The following CERS2 variants were observed in gnomAD, a reference collection of about 807,000 sequenced individuals.
CERS2 encodes the protein LAG1 homolog, ceramide synthase 2.
A neutral mutation model predicts 56.6 loss-of-function variants in CERS2; 20 were observed. The observed-to-expected ratio is 0.35, with a 90% CI of 0.25 to 0.51. CERS2 has a LOEUF of 0.51. CERS2 is among the 20% of genes least tolerant of loss of function. The pLI, the probability that CERS2 is intolerant of heterozygous loss-of-function variation, is 0.96. For missense variants in CERS2, 361 were observed against 488.6 expected (o/e 0.74, Z 2.46); for synonymous variants, 187 against 175.4 (o/e 1.07, Z -0.52).
At chr1:150,967,336 T>G (rs115425823) in intron 7 of CERS2, 56 bp downstream of exon 7, 187 of 1,431,166 alleles carry the variant, frequency 1.3e-4, no homozygotes, top group Non-Finnish European at 1.8e-4. Context: ...GAGAGGGTGT[T>G]CATCCCAGGG....
chr1:150,972,746 G>C (rs1241664435), intron 1 of CERS2, among the ~76,000 whole-genome samples: 4 of 152,146 alleles, frequency 2.6e-5, no homozygotes, highest in Admixed American at 1.3e-4. Flanking sequence ...GCTGGAGAGG[G>C]GCCAGAAGAG....
intron 8 of CERS2, 82 bp downstream of exon 8, chr1:150,966,991 TC>T: frequency 4.5e-6 from 7 of 1,551,298 alleles, no homozygotes; most frequent in Non-Finnish European, 6.2e-6. Flanking sequence ...TCCTCCAAAT[TC>T]CCACCCCGCA....
Position 150,966,049 on chromosome 1 carries a change from T to C in CERS2, c.*99A>G, listed in dbSNP as rs1037037563. 8 of 1,255,178 alleles carry C rather than the reference T, an allele frequency of 6.4e-6. No individual in the cohort carries two copies. The East Asian group carries it at 1.3e-4, about 20-fold the overall frequency. The allele number at this position is 1,255,178 out of a possible 1,614,324, so 77.8% of individuals were successfully genotyped here. Reference sequence around the variant, plus strand: ...GATGCAGAGAACTCTCCTCTCACTTTCTCCTTTTTCCCCAGAGCTTAAAGT... The same window carrying C: ...GATGCAGAGAACTCTCCTCTCACTTCCTCCTTTTTCCCCAGAGCTTAAAGT... On this transcript the variant is annotated 3_prime_UTR_variant, in exon 11 of 11. Transcript: ENST00000368954.
chr1:150,966,982 C>T (rs1159983812), intron 8 of CERS2, 92 bp downstream of exon 8: 1 of 1,518,396 alleles, frequency 6.6e-7, no homozygotes, highest in Non-Finnish European at 9.1e-7. Flanking sequence ...GGAATGTCAT[C>T]CTCCAAATTC....
intron 1 of CERS2, among the ~76,000 whole-genome samples, chr1:150,973,413 G>C (rs955104547): frequency 1.3e-5 from 2 of 152,258 alleles, no homozygotes. Flanking sequence ...TGAGGGATCA[G>C]CCAGCCTATG....
Position 150,966,867 on chromosome 1 carries a change from A to G in CERS2, c.742-5T>C, listed in dbSNP as rs2102766933. On this transcript the variant is annotated splice_region_variant and splice_polypyrimidine_tract_variant and intron_variant, in intron 8 of 10. Coordinates refer to ENST00000368954, the MANE Select transcript of CERS2 (RefSeq NM_022075.5). ...GTAGTTAAACATCTTGGCTGACTGCATAGAGAGCCCCCATCCATCATCATG... is the reference window on the plus strand; with the variant it reads ...GTAGTTAAACATCTTGGCTGACTGCGTAGAGAGCCCCCATCCATCATCATG... 1 of 1,596,962 alleles carries G rather than the reference A, an allele frequency of 6.3e-7. No individual in the cohort carries two copies. The highest frequency in any genetic ancestry group is 2.2e-5 in the East Asian group (1 of 44,816).
intron 1 of CERS2, chr1:150,969,308 G>GC: frequency 1.9e-6 from 1 of 532,570 alleles, no homozygotes; most frequent in Non-Finnish European, 3.4e-6. Flanking sequence ...GGCCGTGATG[G>GC]CTCATGCCTG....
At position 150,968,269 on chromosome 1, in the gene CERS2, C is replaced by G. The variant is rs957981496; in HGVS notation, c.292-68G>C. On this transcript the variant is annotated intron_variant, in intron 3 of 10. Transcript: ENST00000368954. ...ACTCAGCAGCATCCCCAGCCTCTCC[C>G]AGTAACAACCTCAGTCAGCACCACT... is the stretch of plus-strand genomic sequence containing the variant. The G allele has an allele frequency of 2.6e-6, 4 of 1,517,310 alleles. No homozygotes were observed. In the African/African-American group the frequency reaches 4.1e-5, roughly 16 times the overall value. 94.0% of individuals were successfully genotyped at this position (1,517,310 alleles called of 1,614,324 possible). A position where few individuals can be genotyped will look rare whatever the true frequency, so the allele number is the denominator to read the frequency against.
chr1:150,969,342 G>A (rs1304141563), intron 1 of CERS2: 6 of 425,188 alleles, frequency 1.4e-5, no homozygotes, highest in African/African-American at 6.0e-5. Flanking sequence ...TTGGGAGGCC[G>A]AGGCTGGCAG....
At chr1:150,967,944 T>G in intron 4 of CERS2, 67 bp from the exon 5 acceptor site, 1 of 1,421,028 alleles carries the variant, frequency 7.0e-7, no homozygotes, top group Non-Finnish European at 9.9e-7. Flanking sequence ...CCCAAATACC[T>G]GCAGATACCC....
Position 150,967,493 on chromosome 1 carries a change from GGA to G in CERS2, c.520-11_520-10del, listed in dbSNP as rs1558032198. ...TGGGAAGGGATAGTGCTCTGGGAGA[GGA>G]GAGAGAGGTAAGAGCAACCAGCCGC... is the stretch of plus-strand genomic sequence containing the variant. On this transcript the variant is annotated splice_polypyrimidine_tract_variant and intron_variant, in intron 6 of 10. Transcript: ENST00000368954. 2.0e-5 allele frequency: 31 copies of G among 1,542,522 alleles called. No homozygotes were observed. Among genetic ancestry groups the G allele is most frequent in the Non-Finnish European group, 2.5e-5 (28 of 1,114,984 alleles).
At chr1:150,966,892 G>C in intron 8 of CERS2, 30 bp from the exon 9 acceptor site, 1 of 1,545,592 alleles carries the variant, frequency 6.5e-7, no homozygotes, top group Non-Finnish European at 8.9e-7. Flanking sequence ...CCATCATCAT[G>C]GGCTCCTGAC....
In CERS2 at chr1:150,967,272, G is replaced by C. The variant is rs866815685; in HGVS notation, c.613-70C>G. On this transcript the variant is annotated intron_variant, in intron 7 of 10. Coordinates refer to ENST00000368954, the MANE Select transcript of CERS2 (RefSeq NM_022075.5). ...CTCTCACTATGCCTTCTTACCCCTT[G>C]CCTTTGGTTCCCCATATACCAACAG... The C allele has an allele frequency of 2.6e-6, 4 of 1,550,412 alleles. No individual in the cohort carries two copies. The Middle Eastern group carries it at 6.7e-4, about 261-fold the overall frequency.
rs587676480 is a variant in CERS2 at position 150,966,611 on chromosome 1, C to G, written c.867G>C (p.Leu289=). ...ILPFWILHCT[L]VYPLELYPAF... is the part of the protein sequence containing the mutation. ...CAGGATAGAGCTCCAGTGGGTACAC[C>G]AGGGTGCAATGCAGGATCCTGAGGA... Residue 289 remains leucine (L), a synonymous_variant, in exon 10 of 11, where the codon CTG becomes CTC. Coordinates refer to ENST00000368954, the MANE Select transcript of CERS2 (RefSeq NM_022075.5). 1 of 1,613,900 alleles carries G rather than the reference C, an allele frequency of 6.2e-7. No individual in the cohort carries two copies. Among genetic ancestry groups the G allele is most frequent in the African/African-American group, 1.3e-5 (1 of 74,896 alleles).
At chr1:150,972,846 C>T (rs587679631) in intron 1 of CERS2, among the ~76,000 whole-genome samples, 10 of 152,290 alleles carry the variant, frequency 6.6e-5, no homozygotes, top group Non-Finnish European at 8.8e-5. Context: ...GACACCCCCA[C>T]AAGACCCCTC....
chr1:150,968,559 A>G, intron 2 of CERS2, 47 bp from the exon 3 acceptor site: 2 of 1,454,320 alleles, frequency 1.4e-6, no homozygotes, highest in Non-Finnish European at 1.9e-6. Flanking sequence ...GGGAAGGGAA[A>G]GGGCTGCAAG....
At chr1:150,967,559 G>T in intron 6 of CERS2, 75 bp from the exon 7 acceptor site, 2 of 1,418,342 alleles carry the variant, frequency 1.4e-6, no homozygotes, top group South Asian at 1.1e-5. Context: ...AGCCCCTGAG[G>T]TTCTTCATTC....
intron 8 of CERS2, 70 bp downstream of exon 8, chr1:150,967,004 C>G: frequency 6.3e-7 from 1 of 1,583,530 alleles, no homozygotes; most frequent in Non-Finnish European, 8.7e-7. Flanking sequence ...CACCCCGCAC[C>G]TCCCTCCCAA....
chr1:150,966,922 T>G, intron 8 of CERS2, 60 bp from the exon 9 acceptor site: 1 of 1,445,742 alleles, frequency 6.9e-7, no homozygotes, highest in Non-Finnish European at 9.7e-7. Flanking sequence ...TACATTCATA[T>G]GTACACTCCA....
Sources: allele counts gnomAD v4.1 joint callset (sites outside exome capture counted in the v4.1 genomes callset), GRCh38; gene constraint gnomAD v4.1.1; transcripts MANE v1.5; gene names NCBI Gene and HGNC (gene_info 2026-07-23, HGNC 2026-07-21).